The following ME1 variants were observed in gnomAD, a reference collection of about 807,000 sequenced individuals.
ME1 encodes the protein malic enzyme 1.
Under a neutral mutation model 66.4 loss-of-function variants are expected in ME1, and 74 were observed. That is an observed-to-expected ratio of 1.11 (90% CI 0.92 to 1.35). The LOEUF is 1.35. Ranked by LOEUF, ME1 falls within the 40% of genes most tolerant of loss-of-function variation. The pLI is 0.00. For synonymous variants in ME1, 251 were observed against 235.6 expected (o/e 1.07, Z -0.60); for missense variants, 750 against 694.1 (o/e 1.08, Z -0.90).
At chr6:83,417,513 TG>T (rs1770185555) in intron 1 of ME1, among the ~76,000 whole-genome samples, 1 of 152,038 alleles carries the variant, frequency 6.6e-6, no homozygotes, top group Non-Finnish European at 1.5e-5. Context: ...CCTAAGCAGG[TG>T]GGACTACAGG....
intron 3 of ME1, among the ~76,000 whole-genome samples, chr6:83,382,669 C>G (rs1769428515): frequency 6.6e-6 from 1 of 152,042 alleles, no homozygotes; most frequent in South Asian, 2.1e-4. Flanking sequence ...CATCATTTTA[C>G]CTTTTGAAAA....
At chr6:83,320,094 T>A (rs1024006722) in intron 5 of ME1, among the ~76,000 whole-genome samples, 1 of 152,322 alleles carries the variant, frequency 6.6e-6, no homozygotes, top group African/African-American at 2.4e-5. Context: ...TGTGACCAAT[T>A]TCTGAAGAAT....
At chr6:83,220,481 A>G (rs747298725) in intron 12 of ME1, among the ~76,000 whole-genome samples, 1 of 152,222 alleles carries the variant, frequency 6.6e-6, no homozygotes, top group Non-Finnish European at 1.5e-5. Context: ...TCTTCATGAT[A>G]TAAAAATGTC....
intron 6 of ME1, among the ~76,000 whole-genome samples, chr6:83,289,680 T>C (rs1767464683): frequency 6.6e-6 from 1 of 152,196 alleles, no homozygotes; most frequent in Non-Finnish European, 1.5e-5. Flanking sequence ...TTTTTTCTCA[T>C]TGATCAGAAT....
At chr6:83,294,980 C>T (rs1767571517) in intron 6 of ME1, among the ~76,000 whole-genome samples, 1 of 152,178 alleles carries the variant, frequency 6.6e-6, no homozygotes, top group Admixed American at 6.5e-5. Flanking sequence ...TGCCACACTG[C>T]GATCTGCAGC....
chr6:83,396,059 C>T (rs114168588), intron 3 of ME1, among the ~76,000 whole-genome samples: 3,430 of 152,012 alleles, frequency 0.023, 131 homozygotes, highest in African/African-American at 0.075. Flanking sequence ...AAAAGCAATC[C>T]CATTAATAAT....
At chr6:83,326,122 A>G (rs545688028) in intron 5 of ME1, among the ~76,000 whole-genome samples, 103 of 152,288 alleles carry the variant, frequency 6.8e-4, no homozygotes, top group African/African-American at 2.3e-3. Flanking sequence ...ATGATCTTTC[A>G]CAAACCTGAC....
At chr6:83,343,135 T>G (rs1768620853) in intron 5 of ME1, among the ~76,000 whole-genome samples, 1 of 152,204 alleles carries the variant, frequency 6.6e-6, no homozygotes, top group Non-Finnish European at 1.5e-5. Flanking sequence ...TTTGTACCCC[T>G]TAACCAACCT....
intron 6 of ME1, among the ~76,000 whole-genome samples, chr6:83,267,850 T>C (rs1767014603): frequency 6.6e-6 from 1 of 152,206 alleles, no homozygotes; most frequent in African/African-American, 2.4e-5. Context: ...TTGAAAAATA[T>C]TAGCAGAACA....
intron 5 of ME1, among the ~76,000 whole-genome samples, chr6:83,323,754 C>G (rs1768228590): frequency 6.6e-6 from 1 of 152,122 alleles, no homozygotes; most frequent in Admixed American, 6.5e-5. Context: ...TTTAACACCC[C>G]ACTGGCAATA....
intron 6 of ME1, among the ~76,000 whole-genome samples, chr6:83,273,234 G>T (rs983420633): frequency 6.1e-5 from 9 of 146,994 alleles, no homozygotes; most frequent in African/African-American, 2.0e-4. Flanking sequence ...TTTCTAAAAT[G>T]AGAATTTCAA....
chr6:83,216,951 G>T (rs1790005632), intron 12 of ME1, among the ~76,000 whole-genome samples: 1 of 152,154 alleles, frequency 6.6e-6, no homozygotes, highest in African/African-American at 2.4e-5. Context: ...AATGAAAATG[G>T]ATCCTGAAAG....
chr6:83,238,468 G>A (rs1252529320), intron 8 of ME1, among the ~76,000 whole-genome samples: 1 of 152,050 alleles, frequency 6.6e-6, no homozygotes, highest in Non-Finnish European at 1.5e-5. Context: ...TCAAGAACTG[G>A]CCTGTGCCAT....
chr6:83,415,215 T>G (rs573356713), intron 1 of ME1, among the ~76,000 whole-genome samples: 149 of 152,328 alleles, frequency 9.8e-4, no homozygotes, highest in Non-Finnish European at 1.4e-3. Context: ...CTCTTCAAGC[T>G]AATAGAAGAA....
At chr6:83,376,502 A>G (rs542151397) in intron 3 of ME1, among the ~76,000 whole-genome samples, 2 of 151,724 alleles carry the variant, frequency 1.3e-5, no homozygotes, top group South Asian at 4.2e-4. Context: ...TCAAAAAAAA[A>G]AAAAAAGAAA....
chr6:83,251,324 A>T (rs949622015), intron 7 of ME1, among the ~76,000 whole-genome samples: 24 of 151,970 alleles, frequency 1.6e-4, no homozygotes, highest in Admixed American at 3.3e-4. Context: ...GCAAAAACCC[A>T]TCTCTACTAA....
chr6:83,223,935 T>C lies in ME1; in HGVS notation c.1276-2A>G. ...GCCACTGGCAAAAATTGCACGTCCC[T>C]ACAACAAAGACACATACAACTCACT... On this transcript the variant is annotated splice_acceptor_variant, in intron 11 of 13. Transcript: ENST00000369705. LOFTEE classifies it high-confidence loss of function. 1.2e-6 allele frequency: 2 copies of C among 1,613,284 alleles called. No individual in the cohort carries two copies. Among genetic ancestry groups the C allele is most frequent in the Non-Finnish European group, 1.7e-6 (2 of 1,179,568 alleles).
chr6:83,230,779 A>G (rs1790292499), intron 9 of ME1, among the ~76,000 whole-genome samples: 1 of 152,106 alleles, frequency 6.6e-6, no homozygotes, highest in South Asian at 2.1e-4. Flanking sequence ...AAAATATACA[A>G]AAAATTAGCT....
intron 3 of ME1, among the ~76,000 whole-genome samples, chr6:83,369,857 T>G (rs1350974246): frequency 6.6e-6 from 1 of 152,042 alleles, no homozygotes; most frequent in East Asian, 1.9e-4. Flanking sequence ...CAAATTAACT[T>G]TGGTATAATA....
Sources: allele counts gnomAD v4.1 joint callset (sites outside exome capture counted in the v4.1 genomes callset), GRCh38; gene constraint gnomAD v4.1.1; transcripts MANE v1.5; gene names NCBI Gene and HGNC (gene_info 2026-07-23, HGNC 2026-07-21).